STK4: variants seen among roughly 807,000 people sequenced by gnomAD.
STK4 encodes serine/threonine-protein kinase 4.
In STK4, 30 loss-of-function variants were observed where a neutral mutation model predicts 64.9. That is an observed-to-expected ratio of 0.46 (90% CI 0.35 to 0.63). The LOEUF (loss-of-function observed/expected upper bound fraction) is 0.63. Among genes scored for constraint, STK4 ranks in the 20% least tolerant of loss-of-function variants. STK4 has a pLI of 0.01. For synonymous variants in STK4, 177 were observed against 199.0 expected (o/e 0.89, Z 0.93); for missense variants, 466 against 598.5 (o/e 0.78, Z 2.31).
chr20:44,999,211 G>A (rs762301365), intron 7 of STK4, among the ~76,000 whole-genome samples: 5 of 152,210 alleles, frequency 3.3e-5, no homozygotes, highest in East Asian at 1.9e-4. Context: ...TACAGAAGGT[G>A]GGATATGATC....
chr20:45,056,770 A>G (rs560661910), intron 10 of STK4, among the ~76,000 whole-genome samples: 1 of 152,336 alleles, frequency 6.6e-6, no homozygotes, highest in Non-Finnish European at 1.5e-5. Flanking sequence ...AGTATTACCT[A>G]TGATAAAAGA....
At chr20:44,988,624 C>T (rs2067580189) in intron 5 of STK4, among the ~76,000 whole-genome samples, 1 of 145,778 alleles carries the variant, frequency 6.9e-6, no homozygotes, top group Non-Finnish European at 1.5e-5. Context: ...TAATGACTTA[C>T]AGTGTTCTTA....
chr20:45,014,298 T>A (rs915948128), intron 9 of STK4, among the ~76,000 whole-genome samples: 3 of 133,688 alleles, frequency 2.2e-5, no homozygotes, highest in Non-Finnish European at 4.4e-5. Context: ...TAGTGGGGCG[T>A]GCCTGTAATC....
chr20:44,972,241 C>T, intron 2 of STK4, 83 bp downstream of exon 2: 1 of 1,252,278 alleles, frequency 8.0e-7, no homozygotes. Flanking sequence ...ATGAACCTTT[C>T]AGCATTGTTC....
intron 10 of STK4, among the ~76,000 whole-genome samples, chr20:45,063,726 ATTTTAC>A (rs916267922): frequency 6.6e-6 from 1 of 151,640 alleles, no homozygotes; most frequent in African/African-American, 2.4e-5. Flanking sequence ...ATAGTTTTAG[ATTTTAC>A]TTTTAAGTCT....
intron 9 of STK4, among the ~76,000 whole-genome samples, chr20:45,005,403 TG>T (rs1348958844): frequency 6.6e-6 from 1 of 152,000 alleles, no homozygotes; most frequent in Non-Finnish European, 1.5e-5. Context: ...CCCAGCACTT[TG>T]GGAGGCCGAG....
At chr20:45,050,777 T>C (rs1189771953) in intron 10 of STK4, among the ~76,000 whole-genome samples, 2 of 152,138 alleles carry the variant, frequency 1.3e-5, no homozygotes, top group Non-Finnish European at 2.9e-5. Flanking sequence ...TATTAGCTTT[T>C]TCTTGTGGTT....
In STK4 at chr20:45,064,565, G is replaced by A. The variant is rs1479018123; in HGVS notation, c.1306-10453G>A. Among the ~76,000 whole-genome samples the A allele has an allele frequency of 2.6e-5, 4 of 152,006 alleles. No individual in the cohort carries two copies. In the East Asian group the frequency reaches 7.7e-4, roughly 29 times the overall value. On this transcript the variant is annotated intron_variant, in intron 10 of 10. Transcript: ENST00000372806. ...AATGATTCTTCCCATCTATGAACAT[G>A]GAATGTTTTTTCATTTGTTGGTGTC...
chr20:45,068,451 G>C (rs1979777365), intron 10 of STK4, among the ~76,000 whole-genome samples: 1 of 152,202 alleles, frequency 6.6e-6, no homozygotes, highest in South Asian at 2.1e-4. Flanking sequence ...AGGCACAAAA[G>C]CAGCAAAGTA....
chr20:45,037,688 A>G (rs2145412664), intron 10 of STK4, among the ~76,000 whole-genome samples: 1 of 152,202 alleles, frequency 6.6e-6, no homozygotes, highest in Admixed American at 6.5e-5. Flanking sequence ...ATTCCATGAA[A>G]CTTTATCTTA....
At chr20:45,007,546 C>CAAAAAAA (rs1390989727) in intron 9 of STK4, among the ~76,000 whole-genome samples, 7 of 149,946 alleles carry the variant, frequency 4.7e-5, no homozygotes, top group African/African-American at 1.5e-4. Flanking sequence ...GACTCCATCT[C>CAAAAAAA]AAAAAACAAA....
intron 9 of STK4, among the ~76,000 whole-genome samples, chr20:45,005,647 C>CAAAAAAAA (rs1214893882): frequency 1.5e-5 from 1 of 65,700 alleles, no homozygotes. Flanking sequence ...GACTCTGTCT[C>CAAAAAAAA]AAAAAAAAAA....
chr20:45,074,644 G>A (rs1980367273), intron 10 of STK4, among the ~76,000 whole-genome samples: 1 of 152,148 alleles, frequency 6.6e-6, no homozygotes, highest in Admixed American at 6.5e-5. Context: ...AACAAGAACG[G>A]GGAGGCAACC....
In STK4 at chr20:45,075,293, T is replaced by C. The variant is rs1415113385; in HGVS notation, c.*117T>C. The C allele has an allele frequency of 5.1e-6, 7 of 1,376,228 alleles. No individual in the cohort carries two copies. Among genetic ancestry groups the C allele is most frequent in the Non-Finnish European group, 5.9e-6 (6 of 1,021,994 alleles). The allele number at this position is 1,376,228 out of a possible 1,614,324, so 85.3% of individuals were successfully genotyped here. On this transcript the variant is annotated 3_prime_UTR_variant, in exon 11 of 11. Transcript: ENST00000372806. ...CTGTCGTCTCTCCACAGCACCTTTG[T>C]GAACTCAGGAATGTGCGCCAGTGGG...
chr20:45,001,117 C>CA (rs748715753), intron 8 of STK4, 50 bp from the exon 9 acceptor site: 22 of 1,560,136 alleles, frequency 1.4e-5, no homozygotes, highest in Admixed American at 5.4e-5. Context: ...TCAGAAAACT[C>CA]AAAGTCTTTT....
chr20:44,969,063 A>G (rs1233822826), intron 1 of STK4, among the ~76,000 whole-genome samples: 1 of 152,004 alleles, frequency 6.6e-6, no homozygotes, highest in Non-Finnish European at 1.5e-5. Flanking sequence ...CAGTGTCCTA[A>G]TCTCCTCTTA....
chr20:45,061,247 T>A (rs941638751), intron 10 of STK4, among the ~76,000 whole-genome samples: 1 of 152,176 alleles, frequency 6.6e-6, no homozygotes, highest in Admixed American at 6.5e-5. Flanking sequence ...ACTTTAAGAA[T>A]TTTGTCCTGT....
At chr20:44,972,893 A>G (rs1468910599) in intron 2 of STK4, 2 of 150,522 alleles carry the variant, frequency 1.3e-5, no homozygotes, top group Admixed American at 1.3e-4. Context: ...AAAAATATTA[A>G]GACGCATACA....
intron 5 of STK4, among the ~76,000 whole-genome samples, chr20:44,989,490 T>G (rs2067595297): frequency 6.6e-6 from 1 of 152,006 alleles, no homozygotes; most frequent in South Asian, 2.1e-4. Context: ...GTTCTTTATA[T>G]ATTTTAGATA....
Sources: allele counts gnomAD v4.1 joint callset (sites outside exome capture counted in the v4.1 genomes callset), GRCh38; gene constraint gnomAD v4.1.1; transcripts MANE v1.5; gene names NCBI Gene and HGNC (gene_info 2026-07-23, HGNC 2026-07-21).